The following RALYL variants were observed in gnomAD, a reference collection of about 807,000 sequenced individuals.
The protein encoded by RALYL is RNA-binding Raly-like protein.
Under a neutral mutation model 35.1 loss-of-function variants are expected in RALYL, and 29 were observed. That is an observed-to-expected ratio of 0.83 (90% CI 0.61 to 1.13). The LOEUF is 1.13. RALYL is among the 50% of genes most tolerant of loss of function. The probability of loss-of-function intolerance (pLI) is 0.00; values close to 1 mark genes in which losing one functional copy is unlikely to be tolerated. For synonymous variants in RALYL, 120 were observed against 127.6 expected (o/e 0.94, Z 0.40); for missense variants, 359 against 360.4 (o/e 1.00, Z 0.03).
intron 1 of RALYL, among the ~76,000 whole-genome samples, chr8:84,407,563 T>G (rs1014047518): frequency 7.0e-6 from 1 of 141,996 alleles, no homozygotes; most frequent in African/African-American, 3.1e-5. Context: ...CCCCATATAC[T>G]TTACATATCT....
chr8:84,563,663 A>G lies in RALYL; in HGVS notation c.256+34086A>G, dbSNP rs76494377. 2.2e-3 allele frequency among the ~76,000 whole-genome samples: 330 copies of G among 151,886 alleles called. 1 individual carries two copies. The highest frequency in any genetic ancestry group is 3.6e-3 in the Non-Finnish European group (242 of 67,834). ...TGTGCAGGAAATTGCTCCACTAGAA[A>G]TAAACCTTCTTTTCCTTACACTGTG... On this transcript the variant is annotated intron_variant, in intron 2 of 8. Coordinates refer to ENST00000521268, the MANE Select transcript of RALYL (RefSeq NM_173848.7).
At chr8:84,620,917 G>T (rs1821219749) in intron 2 of RALYL, among the ~76,000 whole-genome samples, 2 of 152,150 alleles carry the variant, frequency 1.3e-5, no homozygotes, top group South Asian at 4.1e-4. Context: ...GGGGTCAGGG[G>T]ACAGGGACCC....
At chr8:84,917,354 C>T (rs1263854778) in intron 8 of RALYL, among the ~76,000 whole-genome samples, 1 of 151,852 alleles carries the variant, frequency 6.6e-6, no homozygotes, top group African/African-American at 2.4e-5. Flanking sequence ...GGGAAAAAAG[C>T]AGTGAGCATG....
chr8:84,499,769 A>G (rs1250298777), intron 1 of RALYL, among the ~76,000 whole-genome samples: 1 of 152,018 alleles, frequency 6.6e-6, no homozygotes, highest in Admixed American at 6.6e-5. Context: ...TTATTTATTT[A>G]TTTGAAATAG....
chr8:84,452,629 C>T (rs2049627505), intron 1 of RALYL, among the ~76,000 whole-genome samples: 1 of 151,894 alleles, frequency 6.6e-6, no homozygotes, highest in Non-Finnish European at 1.5e-5. Context: ...GCCTGTGTTT[C>T]CCTTACAAGT....
chr8:84,386,211 A>C (rs973475599), intron 1 of RALYL, among the ~76,000 whole-genome samples: 4 of 151,828 alleles, frequency 2.6e-5, no homozygotes, highest in African/African-American at 9.7e-5. Flanking sequence ...GCTTCAAGTG[A>C]AGCCTCTGTA....
At chr8:84,190,144 T>A (rs897628594) in intron 1 of RALYL, among the ~76,000 whole-genome samples, 1 of 152,192 alleles carries the variant, frequency 6.6e-6, no homozygotes, top group Non-Finnish European at 1.5e-5. Flanking sequence ...AATTAGTCTT[T>A]TGTGCAAGGA....
intron 1 of RALYL, among the ~76,000 whole-genome samples, chr8:84,258,808 C>T (rs1831682909): frequency 1.3e-5 from 2 of 152,250 alleles, no homozygotes; most frequent in East Asian, 1.9e-4. Context: ...CCCGCAAACT[C>T]ATTCACATCA....
chr8:84,192,331 G>C (rs1196007516), intron 1 of RALYL, among the ~76,000 whole-genome samples: 2 of 152,192 alleles, frequency 1.3e-5, no homozygotes, highest in African/African-American at 4.8e-5. Flanking sequence ...TAAAATGTCA[G>C]TGCCACTGTG....
At chr8:84,920,703 A>C (rs1364946881) in intron 8 of RALYL, among the ~76,000 whole-genome samples, 191 bp from the exon 9 acceptor site, 1 of 152,110 alleles carries the variant, frequency 6.6e-6, no homozygotes, top group Non-Finnish European at 1.5e-5. Context: ...CATAAATGAA[A>C]ATAATTATAG....
chr8:84,204,078 G>A (rs1484641730), intron 1 of RALYL, among the ~76,000 whole-genome samples: 1 of 151,864 alleles, frequency 6.6e-6, no homozygotes, highest in Non-Finnish European at 1.5e-5. Context: ...TGTGTAAATT[G>A]CCTAAATTTC....
At chr8:84,486,200 A>C (rs1278874803) in intron 1 of RALYL, among the ~76,000 whole-genome samples, 2 of 151,108 alleles carry the variant, frequency 1.3e-5, no homozygotes, top group African/African-American at 4.8e-5. Flanking sequence ...AATTAATAAT[A>C]ATAATGAAAT....
intron 1 of RALYL, among the ~76,000 whole-genome samples, chr8:84,429,722 G>A (rs540245092): frequency 1.3e-5 from 2 of 151,970 alleles, no homozygotes; most frequent in African/African-American, 4.8e-5. Flanking sequence ...AAGAGGCTTG[G>A]GAATTGGAGG....
Position 84,656,943 on chromosome 8 carries a change from G to GA in RALYL, c.257-117630dup, listed in dbSNP as rs566535534. ...TCATGCTAAAACACATGGGACAATGGAAAAAATGTTTTATGAGGCAAAATG... is the reference window on the plus strand; with the variant it reads ...TCATGCTAAAACACATGGGACAATGGAAAAAAATGTTTTATGAGGCAAAATG... On this transcript the variant is annotated intron_variant, in intron 2 of 8. Transcript: ENST00000521268. Among the ~76,000 whole-genome samples the GA allele has an allele frequency of 2.0e-4, 30 of 152,102 alleles. No homozygotes were observed. In the East Asian group the frequency reaches 5.2e-3, roughly 26 times the overall value.
intron 1 of RALYL, among the ~76,000 whole-genome samples, chr8:84,282,095 C>CTGT (rs1836692884): frequency 6.6e-6 from 1 of 152,074 alleles, no homozygotes; most frequent in Middle Eastern, 3.2e-3. Flanking sequence ...TTTGCCTGTC[C>CTGT]TGTTGTCCAT....
At chr8:84,804,679 G>C (rs1468519760) in intron 3 of RALYL, 91 bp from the exon 4 acceptor site, 1 of 555,408 alleles carries the variant, frequency 1.8e-6, no homozygotes, top group Non-Finnish European at 2.7e-6. Flanking sequence ...ATCCAAACAA[G>C]TATAATAATT....
chr8:84,638,203 G>C (rs1181396783), intron 2 of RALYL, among the ~76,000 whole-genome samples: 1 of 151,936 alleles, frequency 6.6e-6, no homozygotes, highest in Non-Finnish European at 1.5e-5. Context: ...ACCTGCTCCT[G>C]AATGTTAATT....
At chr8:84,437,560 G>A (rs2047876475) in intron 1 of RALYL, among the ~76,000 whole-genome samples, 1 of 152,074 alleles carries the variant, frequency 6.6e-6, no homozygotes, top group Non-Finnish European at 1.5e-5. Flanking sequence ...TGACTGGGAT[G>A]AGATGGTATC....
intron 1 of RALYL, among the ~76,000 whole-genome samples, chr8:84,325,607 T>A (rs1426860726): frequency 6.6e-6 from 1 of 152,218 alleles, no homozygotes; most frequent in African/African-American, 2.4e-5. Context: ...CTGATAAATT[T>A]GTACCTGAAT....
Sources: gnomAD v4.1 joint callset for allele counts (sites outside exome capture counted in the v4.1 genomes callset) on GRCh38, gnomAD v4.1.1 for gene constraint, MANE v1.5 for transcripts, NCBI Gene and HGNC (gene_info 2026-07-23, HGNC 2026-07-21) for gene names.